The following SNTA1 variants were observed in gnomAD, a reference collection of about 807,000 sequenced individuals.
SNTA1 encodes alpha-1-syntrophin.
Under a neutral mutation model 47.1 loss-of-function variants are expected in SNTA1, and 31 were observed. That is an observed-to-expected ratio of 0.66 (90% confidence interval 0.49 to 0.89). The LOEUF is 0.89. Ranked by LOEUF, SNTA1 falls within the 40% of genes least tolerant of loss-of-function variation. The pLI is 0.00. For missense variants in SNTA1, 575 were observed against 693.0 expected (o/e 0.83, Z 1.91); for synonymous variants, 300 against 313.6 (o/e 0.96, Z 0.46).
chr20:33,410,480 G>C, intron 5 of SNTA1, 149 bp from the exon 6 acceptor site: 1 of 617,750 alleles, frequency 1.6e-6, no homozygotes. Context: ...GATTGACTCA[G>C]CAGGAGACAT....
chr20:33,427,681 G>A (rs1369315797), intron 2 of SNTA1, among the ~76,000 whole-genome samples: 1 of 152,128 alleles, frequency 6.6e-6, no homozygotes, highest in Admixed American at 6.6e-5. Flanking sequence ...CTTCAGATGA[G>A]TGCTCACAGG....
At chr20:33,412,218 G>A (rs1989754690) in intron 5 of SNTA1, 78 bp downstream of exon 5, 1 of 1,505,004 alleles carries the variant, frequency 6.6e-7, no homozygotes, top group African/African-American at 1.4e-5. Flanking sequence ...CAGGGCTGGA[G>A]TTCCCAGCTT....
In SNTA1 at chr20:33,412,644, C is replaced by T. The variant is rs771853485; in HGVS notation, c.840G>A (p.Gln280=). 1 of 1,614,014 alleles carries T rather than the reference C, an allele frequency of 6.2e-7. No homozygotes were observed. The highest frequency in any genetic ancestry group is 1.1e-5 in the South Asian group (1 of 91,074). The change falls in exon 4 of 8, where the codon CAG becomes CAA. Residue 280 remains glutamine (Q), a synonymous_variant. Transcript: ENST00000217381. ...CTGTGCTGGTGGCTGCCAACAGTGC[C>T]TGCAGCTCATCCTTGACCCGCGGCG... The part of the protein sequence containing the change: ...TLTPRVKDEL[Q]ALLAATSTAG...
intron 6 of SNTA1, among the ~76,000 whole-genome samples, chr20:33,409,823 G>T (rs1989694089): frequency 6.6e-6 from 1 of 152,062 alleles, no homozygotes; most frequent in South Asian, 2.1e-4. Flanking sequence ...TAGAGACAGG[G>T]TTTCACCATT....
At chr20:33,418,069 C>G (rs1451832680) in intron 2 of SNTA1, 146 bp from the exon 3 acceptor site, 2 of 624,260 alleles carry the variant, frequency 3.2e-6, no homozygotes, top group Non-Finnish European at 5.7e-6. Flanking sequence ...TTAACAAATT[C>G]TTCTAAGTTA....
chr20:33,409,185 C>T (rs1016563983), intron 6 of SNTA1, among the ~76,000 whole-genome samples: 1 of 152,132 alleles, frequency 6.6e-6, no homozygotes, highest in Admixed American at 6.6e-5. Flanking sequence ...TACCAAGCAC[C>T]GCCCTTGGAG....
At chr20:33,420,745 C>T (rs1041777445) in intron 2 of SNTA1, among the ~76,000 whole-genome samples, 12 of 152,042 alleles carry the variant, frequency 7.9e-5, no homozygotes, top group African/African-American at 2.9e-4. Flanking sequence ...TTTGGTAGGC[C>T]ACAGTGGGTG....
chr20:33,432,702 AT>A (rs1015371930), intron 2 of SNTA1, among the ~76,000 whole-genome samples: 4 of 152,002 alleles, frequency 2.6e-5, no homozygotes, highest in African/African-American at 9.7e-5. Flanking sequence ...GTTTCTATTA[AT>A]TTTTTTTAAT....
In SNTA1 at chr20:33,412,304, G is replaced by A. The variant is rs541665582; in HGVS notation, c.1032C>T (p.Ile344=). ...LSRPARTAPL[I]ATRLVHSGPS... ...CCCCTGCCTGTGGGTACCTGGTGGC[G>A]ATGAGTGGGGCAGTACGGGCTGGCC... Residue 344 remains isoleucine, a synonymous_variant, in exon 5 of 8, where the codon ATC becomes ATT. Transcript: ENST00000217381. The A allele has an allele frequency of 5.3e-5, 86 of 1,611,438 alleles. No homozygotes were observed. The Admixed American group carries it at 7.5e-4, about 14-fold the overall frequency.
chr20:33,408,640 C>T (rs943211740), intron 7 of SNTA1, 41 bp from the exon 8 acceptor site: 2 of 1,610,848 alleles, frequency 1.2e-6, no homozygotes, highest in Non-Finnish European at 1.7e-6. Flanking sequence ...CCCTGGCCAG[C>T]CTGGCCTCCG....
At chr20:33,421,062 A>C (rs1189191814) in intron 2 of SNTA1, among the ~76,000 whole-genome samples, 1 of 152,024 alleles carries the variant, frequency 6.6e-6, no homozygotes, top group African/African-American at 2.4e-5. Flanking sequence ...GATTCCAGCT[A>C]ATCAAGAGGC....
At chr20:33,412,869 A>C in intron 3 of SNTA1, 87 bp from the exon 4 acceptor site, 1 of 807,380 alleles carries the variant, frequency 1.2e-6, no homozygotes, top group Non-Finnish European at 2.1e-6. Context: ...CCCACCACCA[A>C]ACCAGGAGAA....
At chr20:33,440,994 G>T (rs1990564133) in intron 1 of SNTA1, among the ~76,000 whole-genome samples, 1 of 152,170 alleles carries the variant, frequency 6.6e-6, no homozygotes, top group Non-Finnish European at 1.5e-5. Context: ...CTAAAAACCT[G>T]CCTGAATGGC....
chr20:33,431,609 C>G (rs1221631980), intron 2 of SNTA1, among the ~76,000 whole-genome samples: 1 of 150,884 alleles, frequency 6.6e-6, no homozygotes, highest in Non-Finnish European at 1.5e-5. Flanking sequence ...ATTAGCCAGG[C>G]ATGGTGGCAC....
At position 33,417,928 on chromosome 20, in the gene SNTA1, T is replaced by G. The variant is rs202178576; in HGVS notation, c.497-5A>C. 1 of 1,605,146 alleles carries G rather than the reference T, an allele frequency of 6.2e-7. No individual in the cohort carries two copies. Among genetic ancestry groups the G allele is most frequent in the South Asian group, 1.1e-5 (1 of 90,922 alleles). On this transcript the variant is annotated splice_region_variant and splice_polypyrimidine_tract_variant and intron_variant, in intron 2 of 7. Transcript: ENST00000217381. ...AGACGTCCTTCATATACTTGACTGA[T>G]TGGGAGAGACATCAGCAGTCACCAC...
At chr20:33,431,203 G>A (rs1990298989) in intron 2 of SNTA1, among the ~76,000 whole-genome samples, 1 of 152,128 alleles carries the variant, frequency 6.6e-6, no homozygotes, top group African/African-American at 2.4e-5. Flanking sequence ...CGAGGCTACA[G>A]TGAGCCGTGA....
In SNTA1 at chr20:33,443,573, G is replaced by A; in HGVS notation, c.48C>T (p.Arg16=). Residue 16 remains arginine (R), a synonymous_variant, in exon 1 of 8, where the codon CGC becomes CGT. Coordinates refer to ENST00000217381, the MANE Select transcript of SNTA1 (RefSeq NM_003098.3). ...CGCCGGCCCCCGAGCCCGCCCCGGC[G>A]CGCAGCTCCAGCAGCCCGGTGCGCG... ...RAPRTGLLEL[R]AGAGSGAGGE... is the part of the protein sequence containing the mutation. 4 of 1,318,856 alleles carry A rather than the reference G, an allele frequency of 3.0e-6. No homozygotes were observed. The highest frequency in any genetic ancestry group is 2.9e-6 in the Non-Finnish European group (3 of 1,026,830). 81.7% of individuals were successfully genotyped at this position (1,318,856 alleles called of 1,614,324 possible).
intron 2 of SNTA1, among the ~76,000 whole-genome samples, chr20:33,424,453 T>TG (rs1383321431): frequency 6.6e-6 from 1 of 151,232 alleles, no homozygotes; most frequent in Non-Finnish European, 1.5e-5. Flanking sequence ...GTGGGAGGAT[T>TG]GCTTGAGCCC....
At chr20:33,410,107 G>C (rs763179252) in intron 6 of SNTA1, 28 bp downstream of exon 6, 2 of 1,612,476 alleles carry the variant, frequency 1.2e-6, no homozygotes, top group African/African-American at 1.3e-5. Flanking sequence ...TATTACCAGA[G>C]GGACACTCCC....
Sources: gnomAD v4.1 joint callset for allele counts (sites outside exome capture counted in the v4.1 genomes callset) on GRCh38, gnomAD v4.1.1 for gene constraint, MANE v1.5 for transcripts, NCBI Gene and HGNC (gene_info 2026-07-23, HGNC 2026-07-21) for gene names.